Variants in PRKG1 observed in about 807,000 individuals in gnomAD.
PRKG1 encodes the protein protein kinase cGMP-dependent 1.
Under a neutral mutation model 88.1 loss-of-function variants are expected in PRKG1, and 35 were observed. That is an observed-to-expected ratio of 0.40 (90% confidence interval 0.30 to 0.53). The LOEUF (loss-of-function observed/expected upper bound fraction) is 0.53, where lower values mean the gene tolerates loss of function less well. Ranked by LOEUF, PRKG1 falls within the 20% of genes least tolerant of loss-of-function variation. The pLI, the probability that PRKG1 is intolerant of heterozygous loss-of-function variation, is 0.59. For missense variants in PRKG1, 540 were observed against 839.8 expected, an observed-to-expected ratio of 0.64 and a Z score of 4.41; for synonymous variants, 303 against 292.5, an observed-to-expected ratio of 1.04 and a Z score of -0.37.
intron 5 of PRKG1, among the ~76,000 whole-genome samples, chr10:51,991,538 A>G (rs1198009829): frequency 1.3e-5 from 2 of 152,076 alleles, no homozygotes; most frequent in African/African-American, 4.8e-5. Context: ...CCACTCCCCC[A>G]GCCCATGACA....
At chr10:51,772,749 T>G in intron 3 of PRKG1, among the ~76,000 whole-genome samples, 1 of 151,980 alleles carries the variant, frequency 6.6e-6, no homozygotes, top group East Asian at 1.9e-4. Flanking sequence ...TGGAAGCATC[T>G]CATCAACTCG....
intron 4 of PRKG1, among the ~76,000 whole-genome samples, chr10:51,892,500 T>C (rs1841747180): frequency 6.6e-6 from 1 of 152,070 alleles, no homozygotes; most frequent in African/African-American, 2.4e-5. Context: ...ATCATAGGAG[T>C]GTCCTGGGCA....
At chr10:51,567,412 G>A (rs1347127031) in intron 3 of PRKG1, among the ~76,000 whole-genome samples, 2 of 152,018 alleles carry the variant, frequency 1.3e-5, no homozygotes, top group African/African-American at 2.4e-5. Context: ...CTGATTTCCA[G>A]GCAGCACTTA....
chr10:51,016,673 CT>C lies in PRKG1; in HGVS notation c.266+25048del, dbSNP rs71029341. Among the ~76,000 whole-genome samples, 14 of 35,192 alleles carry C rather than the reference CT, an allele frequency of 4.0e-4. 2 individuals are homozygous for C. Among genetic ancestry groups the C allele is most frequent in the African/African-American group, 1.3e-3 (9 of 7,088 alleles). 23.1% of individuals were successfully genotyped at this position (35,192 alleles called of 152,430 possible). A position where few individuals can be genotyped will look rare whatever the true frequency, so the allele number is the denominator to read the frequency against. On this transcript the variant is annotated intron_variant, in intron 1 of 17. Coordinates refer to the PRKG1 transcript ENST00000401604. ...AGTGAAGAAGGTATTATTATCCTTT[CT>C]TTTTTTTTTTTTTTTTTTGGAATCT...
chr10:51,440,857 A>G (rs908783738), intron 2 of PRKG1, among the ~76,000 whole-genome samples: 2 of 151,972 alleles, frequency 1.3e-5, no homozygotes, highest in Admixed American at 6.6e-5. Flanking sequence ...AACAGCCAAG[A>G]AGGCAAAAAT....
intron 10 of PRKG1, among the ~76,000 whole-genome samples, chr10:52,260,383 G>A (rs2132414614): frequency 6.6e-6 from 1 of 152,170 alleles, no homozygotes; most frequent in Non-Finnish European, 1.5e-5. Flanking sequence ...AAGTATAACT[G>A]CAATGCAAAA....
At chr10:51,118,168 T>A (rs991145308) in intron 1 of PRKG1, among the ~76,000 whole-genome samples, 9 of 152,116 alleles carry the variant, frequency 5.9e-5, no homozygotes, top group Admixed American at 5.9e-4. Flanking sequence ...AGAGCAGCAA[T>A]CTTTAGGTCA....
At chr10:51,717,997 T>C (rs1435903484) in intron 3 of PRKG1, among the ~76,000 whole-genome samples, 2 of 152,312 alleles carry the variant, frequency 1.3e-5, no homozygotes, top group South Asian at 4.1e-4. Flanking sequence ...CTCCCCTTCA[T>C]TCATGTTTAT....
chr10:52,096,922 G>T (rs1041886179), intron 7 of PRKG1, among the ~76,000 whole-genome samples: 4 of 152,006 alleles, frequency 2.6e-5, no homozygotes, highest in Admixed American at 6.6e-5. Flanking sequence ...ACATGTAATG[G>T]CTGCTTGCTC....
chr10:52,018,765 T>G (rs1057426168), intron 5 of PRKG1, among the ~76,000 whole-genome samples: 6 of 152,164 alleles, frequency 3.9e-5, no homozygotes, highest in African/African-American at 1.4e-4. Flanking sequence ...GAAGATACAT[T>G]GAATTCAACT....
At chr10:51,828,791 A>T (rs991680319) in intron 4 of PRKG1, among the ~76,000 whole-genome samples, 1 of 152,208 alleles carries the variant, frequency 6.6e-6, no homozygotes, top group Non-Finnish European at 1.5e-5. Flanking sequence ...ACTTCAAAAC[A>T]TTTATTTTGT....
At chr10:50,995,698 G>A (rs1842830129) in intron 1 of PRKG1, among the ~76,000 whole-genome samples, 1 of 151,874 alleles carries the variant, frequency 6.6e-6, no homozygotes, top group Non-Finnish European at 1.5e-5. Context: ...CCTTATTTTG[G>A]CTGCCTAGTT....
chr10:51,599,119 A>T (rs2132222687), intron 3 of PRKG1, among the ~76,000 whole-genome samples: 1 of 152,250 alleles, frequency 6.6e-6, no homozygotes, highest in Admixed American at 6.5e-5. Flanking sequence ...ACATTTGTTG[A>T]ATTTGTATGA....
rs867268510 is a variant in PRKG1 at position 51,089,140 on chromosome 10, A to G, written c.311+14239A>G. Among the ~76,000 whole-genome samples the G allele has an allele frequency of 2.6e-5, 4 of 152,166 alleles. No individual in the cohort carries two copies. In the South Asian group the frequency reaches 8.3e-4, roughly 32 times the overall value. ...GTCATGAAAAGTTCTTTCTAGTTTG[A>G]ATAATCTGTGATTTGTAATGCCTTT... On this transcript the variant is annotated intron_variant, in intron 1 of 17. Coordinates refer to ENST00000373980, the MANE Select transcript of PRKG1 (RefSeq NM_006258.4).
At chr10:51,472,549 G>A (rs956179588) in intron 3 of PRKG1, among the ~76,000 whole-genome samples, 12 of 151,930 alleles carry the variant, frequency 7.9e-5, no homozygotes, top group Admixed American at 5.3e-4. Flanking sequence ...AGGAGTCATT[G>A]ATGAAGTTCT....
chr10:51,498,754 C>T (rs937371294), intron 3 of PRKG1, among the ~76,000 whole-genome samples: 1 of 152,064 alleles, frequency 6.6e-6, no homozygotes, highest in African/African-American at 2.4e-5. Context: ...GCACTAAATC[C>T]GAATGTACTG....
intron 5 of PRKG1, among the ~76,000 whole-genome samples, chr10:51,918,181 C>A (rs940102955): frequency 6.6e-6 from 1 of 152,158 alleles, no homozygotes; most frequent in Non-Finnish European, 1.5e-5. Context: ...GTATTTTACC[C>A]TATGCAATCC....
At chr10:51,002,648 A>G (rs1463150004) in intron 1 of PRKG1, among the ~76,000 whole-genome samples, 1 of 152,126 alleles carries the variant, frequency 6.6e-6, no homozygotes, top group East Asian at 1.9e-4. Context: ...GTAAAAGGCT[A>G]TTTCATTCAG....
At chr10:51,597,449 G>A (rs542587589) in intron 3 of PRKG1, among the ~76,000 whole-genome samples, 46 of 152,146 alleles carry the variant, frequency 3.0e-4, no homozygotes, top group African/African-American at 1.1e-3. Context: ...GCAATGTGAG[G>A]GAATGATCTG....
Sources: allele counts gnomAD v4.1 joint callset (sites outside exome capture counted in the v4.1 genomes callset), GRCh38; gene constraint gnomAD v4.1.1; transcripts MANE v1.5; gene names NCBI Gene and HGNC (gene_info 2026-07-23, HGNC 2026-07-21).